Variants in NELL1 observed in about 807,000 individuals in gnomAD.
The protein encoded by NELL1 is neural EGFL like 1, also known as protein kinase C-binding protein NELL1.
In NELL1, 76 loss-of-function variants were observed where a neutral mutation model predicts 107.4. The ratio of observed to expected loss-of-function variants is 0.71; its 90% confidence interval spans 0.59 to 0.86. NELL1 has a LOEUF of 0.86. Ranked by LOEUF, NELL1 falls within the 40% of genes least tolerant of loss-of-function variation. NELL1 has a pLI of 0.00. For synonymous variants in NELL1, 353 were observed against 341.2 expected (o/e 1.03, Z -0.38); for missense variants, 1,024 against 1,005.5 (o/e 1.02, Z -0.25).
chr11:21,482,210 T>G (rs993936307), intron 15 of NELL1, among the ~76,000 whole-genome samples: 5 of 152,226 alleles, frequency 3.3e-5, no homozygotes, highest in African/African-American at 1.2e-4. Context: ...CCAATTTTGC[T>G]GCAATTAAAC....
chr11:21,292,021 A>G (rs933488464), intron 14 of NELL1, among the ~76,000 whole-genome samples: 1 of 152,320 alleles, frequency 6.6e-6, no homozygotes, highest in East Asian at 1.9e-4. Context: ...CACACAGGAC[A>G]AGGATGCCCT....
rs1849228620 is a variant in NELL1, at chr11:21,290,434, T to TAA, written c.1549+60980_1549+60981insAA. Among the ~76,000 whole-genome samples the TAA allele has an allele frequency of 3.6e-5, 3 of 82,478 alleles. No homozygotes were observed. The South Asian group carries it at 1.0e-3, about 28-fold the overall frequency. 54.1% of individuals were successfully genotyped at this position (82,478 alleles called of 152,430 possible). A position where few individuals can be genotyped will look rare whatever the true frequency, so the allele number is the denominator to read the frequency against. On this transcript the variant is annotated intron_variant, in intron 14 of 19. Coordinates refer to ENST00000357134, the MANE Select transcript of NELL1 (RefSeq NM_006157.5). The stretch of plus-strand genomic sequence containing the variant: ...AAATAAATAAATAAATAAATAAATA[T>TAA]TCCTTCCTGCTGGCTCTGAAGAGAG...
At chr11:21,096,502 C>T (rs1203976559) in intron 12 of NELL1, among the ~76,000 whole-genome samples, 1 of 152,150 alleles carries the variant, frequency 6.6e-6, no homozygotes, top group East Asian at 1.9e-4. Context: ...TCTTCTGAAG[C>T]CCCAGCCATC....
chr11:21,315,385 T>G (rs1439294873), intron 14 of NELL1, among the ~76,000 whole-genome samples: 1 of 152,106 alleles, frequency 6.6e-6, no homozygotes, highest in Admixed American at 6.6e-5. Context: ...AAGGGTCGAT[T>G]GGAATAGTAT....
chr11:21,074,110 A>T (rs1433384933), intron 12 of NELL1, among the ~76,000 whole-genome samples: 1 of 152,152 alleles, frequency 6.6e-6, no homozygotes, highest in Non-Finnish European at 1.5e-5. Context: ...GTCAAATTAC[A>T]TTTCTAAGAG....
At chr11:20,700,396 T>C (rs1421465110) in intron 2 of NELL1, among the ~76,000 whole-genome samples, 1 of 152,062 alleles carries the variant, frequency 6.6e-6, no homozygotes, top group Non-Finnish European at 1.5e-5. Flanking sequence ...GGAGAATTGC[T>C]TGAACCTGGG....
intron 16 of NELL1, among the ~76,000 whole-genome samples, chr11:21,538,901 A>G (rs1856216219): frequency 6.6e-6 from 1 of 152,082 alleles, no homozygotes; most frequent in Non-Finnish European, 1.5e-5. Flanking sequence ...TCTCTCATAT[A>G]CTTTGCATGG....
chr11:20,960,538 G>A lies in NELL1; in HGVS notation c.1278G>A (p.Gln426=). The change falls in exon 12 of 20, where the codon CAG becomes CAA. Residue 426 remains glutamine (Q), a synonymous_variant. Transcript: ENST00000357134. The part of the protein sequence containing the change: ...CECKSGYISV[Q]GDSAYCEDID... ...GCAAGAGTGGTTACATCTCTGTCCA[G>A]GGAGACTCTGCCTACTGTGAAGGTA... The A allele has an allele frequency of 6.2e-7, 1 of 1,613,916 alleles. No individual in the cohort carries two copies. Among genetic ancestry groups the A allele is most frequent in the Non-Finnish European group, 8.5e-7 (1 of 1,179,844 alleles).
At chr11:21,368,679 A>G (rs1851289035) in intron 14 of NELL1, among the ~76,000 whole-genome samples, 1 of 152,048 alleles carries the variant, frequency 6.6e-6, no homozygotes, top group Admixed American at 6.6e-5. Context: ...CATAAATGAA[A>G]AGGTATGTCT....
chr11:20,753,271 G>T (rs1856184755), intron 2 of NELL1, among the ~76,000 whole-genome samples: 1 of 152,174 alleles, frequency 6.6e-6, no homozygotes, highest in African/African-American at 2.4e-5. Context: ...TATTTTTAAT[G>T]GAGAAATTTT....
chr11:21,294,958 A>C (rs1460925306), intron 14 of NELL1, among the ~76,000 whole-genome samples: 1 of 152,090 alleles, frequency 6.6e-6, no homozygotes, highest in African/African-American at 2.4e-5. Flanking sequence ...TCTCACAACT[A>C]CTACATAGCT....
Position 20,790,157 on chromosome 11 carries a change from TG to T in NELL1, c.335+6331del, listed in dbSNP as rs527327362. 2.0e-5 allele frequency among the ~76,000 whole-genome samples: 3 copies of T among 152,278 alleles called. No homozygotes were observed. In the South Asian group the frequency reaches 6.2e-4, roughly 32 times the overall value. On this transcript the variant is annotated intron_variant, in intron 3 of 19. Coordinates refer to ENST00000357134, the MANE Select transcript of NELL1 (RefSeq NM_006157.5). ...CCCTGGCCTGAAGGCGAAGCCTCACTGGGGAGCCAGCCACTTCCACCCAGGA... is the reference window on the plus strand; with the variant it reads ...CCCTGGCCTGAAGGCGAAGCCTCACTGGGAGCCAGCCACTTCCACCCAGGA...
At chr11:20,930,992 A>G (rs924145338) in intron 9 of NELL1, among the ~76,000 whole-genome samples, 1 of 152,200 alleles carries the variant, frequency 6.6e-6, no homozygotes, top group Non-Finnish European at 1.5e-5. Context: ...CTGGTAATTA[A>G]AAGGTTGAGA....
At chr11:20,684,946 T>C (rs1209527166) in intron 2 of NELL1, among the ~76,000 whole-genome samples, 2 of 152,168 alleles carry the variant, frequency 1.3e-5, no homozygotes, top group East Asian at 3.9e-4. Flanking sequence ...TGTTGCCTTT[T>C]GGGTGGGTCT....
Position 20,950,047 on chromosome 11 carries a change from G to T in NELL1, c.1171+2612G>T, listed in dbSNP as rs192959628. On this transcript the variant is annotated intron_variant, in intron 11 of 19. Coordinates refer to ENST00000357134, the MANE Select transcript of NELL1 (RefSeq NM_006157.5). ...TCTTCAGAAAAGAGGTGGTGGGAGG[G>T]TGTTTTCCCGGGAGGTAGGTGAATT... is the stretch of plus-strand genomic sequence containing the variant. Among the ~76,000 whole-genome samples, 60 of 152,296 alleles carry T rather than the reference G, an allele frequency of 3.9e-4. 2 individuals carry two copies. In the South Asian group the frequency reaches 5.8e-3, roughly 15 times the overall value.
rs12289920 is a variant in NELL1 at position 21,563,774 on chromosome 11, C to T, written c.1980+3392C>T. ...AGATACTGAGGGACGACTGAATGCT[C>T]TACTCTGGGAAGATGCAGAAGTGAA... is the stretch of plus-strand genomic sequence containing the variant. On this transcript the variant is annotated intron_variant, in intron 17 of 19. Coordinates refer to ENST00000357134, the MANE Select transcript of NELL1 (RefSeq NM_006157.5). 2.5e-4 allele frequency among the ~76,000 whole-genome samples: 38 copies of T among 152,036 alleles called. No individual in the cohort carries two copies. In the South Asian group the frequency reaches 7.7e-3, roughly 31 times the overall value.
chr11:21,329,083 G>T (rs1314552015), intron 14 of NELL1, among the ~76,000 whole-genome samples: 1 of 152,120 alleles, frequency 6.6e-6, no homozygotes, highest in Non-Finnish European at 1.5e-5. Flanking sequence ...CAAAACATGA[G>T]AACTTGAGAT....
chr11:20,675,839 C>T (rs1854041980), intron 1 of NELL1, among the ~76,000 whole-genome samples: 3 of 151,854 alleles, frequency 2.0e-5, no homozygotes, highest in Admixed American at 1.3e-4. Context: ...AGTGGTGCTG[C>T]AGGATCTGCT....
intron 16 of NELL1, among the ~76,000 whole-genome samples, chr11:21,555,435 T>C (rs1054021266): frequency 1.3e-5 from 2 of 151,804 alleles, no homozygotes; most frequent in African/African-American, 4.8e-5. Flanking sequence ...AATGAGTAAA[T>C]GCGGATAGTT....
Sources: gnomAD v4.1 joint callset for allele counts (sites outside exome capture counted in the v4.1 genomes callset) on GRCh38, gnomAD v4.1.1 for gene constraint, MANE v1.5 for transcripts, NCBI Gene and HGNC (gene_info 2026-07-23, HGNC 2026-07-21) for gene names.